The following CPLANE1 variants were observed in gnomAD, a reference collection of about 807,000 sequenced individuals.
The protein encoded by CPLANE1 is ciliogenesis and planar polarity effector 1.
In CPLANE1, 263 loss-of-function variants were observed where a neutral mutation model predicts 362.5. The observed-to-expected ratio is 0.73, with a 90% CI of 0.66 to 0.80. The LOEUF (loss-of-function observed/expected upper bound fraction) is 0.80. Among genes scored for constraint, CPLANE1 ranks in the 30% least tolerant of loss-of-function variants. The pLI is 0.00. For missense variants in CPLANE1, 3,461 were observed against 3,793.4 expected, an observed-to-expected ratio of 0.91 and a Z score of 2.30; for synonymous variants, 1,212 against 1,302.6, an observed-to-expected ratio of 0.93 and a Z score of 1.50.
intron 31 of CPLANE1, among the ~76,000 whole-genome samples, chr5:37,175,680 T>A (rs1405816527): frequency 6.6e-6 from 1 of 152,252 alleles, no homozygotes; most frequent in Non-Finnish European, 1.5e-5. Context: ...CTGTTCAACA[T>A]AGTTCCTGTG....
the CPLANE1 span, among the ~76,000 whole-genome samples, chr5:37,089,537 T>C: frequency 2.0e-5 from 3 of 152,272 alleles, no homozygotes; most frequent in Non-Finnish European, 2.9e-5. Context: ...TCGAATTATC[T>C]AACAGCCCTT....
chr5:37,218,473 C>A (rs371476448), intron 15 of CPLANE1, among the ~76,000 whole-genome samples: 4 of 152,168 alleles, frequency 2.6e-5, no homozygotes, highest in African/African-American at 4.8e-5. Context: ...TCATACCATG[C>A]ACCTTTTCCC....
At chr5:37,190,079 TC>T (rs1785093757) in intron 21 of CPLANE1, among the ~76,000 whole-genome samples, 1 of 152,116 alleles carries the variant, frequency 6.6e-6, no homozygotes, top group Non-Finnish European at 1.5e-5. Context: ...CATTCTAACT[TC>T]ATATGGGTGT....
chr5:37,122,526 A>G (rs767604260), intron 47 of CPLANE1, 38 bp from the exon 48 acceptor site: 4 of 1,483,422 alleles, frequency 2.7e-6, no homozygotes, highest in East Asian at 4.6e-5. Flanking sequence ...TTATTGTTCA[A>G]TCCAAATAAT....
At chr5:37,086,554 C>T in the CPLANE1 span, among the ~76,000 whole-genome samples, 1 of 152,202 alleles carries the variant, frequency 6.6e-6, no homozygotes, top group African/African-American at 2.4e-5. Flanking sequence ...AGTAGTTTAT[C>T]TAAATAGCTT....
In CPLANE1 at chr5:37,227,738, ATC is replaced by A. The variant is rs1432383285; in HGVS notation, c.1199_1200del (p.Arg400IlefsTer16). ...SASDSDPMRQ[R>X]FSIKAHSRLP... ...AACCGTGAGTGTGCTTTTATAGAAA[ATC>A]TCTGTCTCATAGGGTCACTATCAGA... On this transcript the variant is annotated frameshift_variant, in exon 10 of 53. Transcript: ENST00000651892. 4 of 1,551,354 alleles carry A rather than the reference ATC, an allele frequency of 2.6e-6. No individual in the cohort carries two copies. In the African/African-American group the frequency reaches 5.5e-5, roughly 21 times the overall value.
Position 37,198,740 on chromosome 5 carries a change from T to C in CPLANE1, c.3634A>G (p.Ile1212Val). The C allele has an allele frequency of 6.8e-6, 11 of 1,614,146 alleles. No individual in the cohort carries two copies. The highest frequency in any genetic ancestry group is 8.5e-6 in the Non-Finnish European group (10 of 1,180,028). Residue 1212 changes from isoleucine to valine, a missense_variant, in exon 20 of 53, where the codon ATA becomes GTA. Around this residue, in one of 2 missense-constraint regions of CPLANE1, gnomAD observed 3,380 missense variants for 3,666.1 expected, o/e 0.92. Transcript: ENST00000651892. ...TTTCTTGCCCACCTCAACTGCAATA[T>C]ATACCACTGTGCTACAGGAAAAGAA... is the stretch of plus-strand genomic sequence containing the variant. ...QCSFPVAQWY[I>V]LQLRWARKVM...
At chr5:37,201,545 C>G in intron 19 of CPLANE1, 46 bp downstream of exon 19, 1 of 1,476,772 alleles carries the variant, frequency 6.8e-7, no homozygotes, top group East Asian at 2.3e-5. Context: ...AAAAACTTGA[C>G]AAAATCAACT....
intron 8 of CPLANE1, among the ~76,000 whole-genome samples, chr5:37,232,688 A>C (rs1431477619): frequency 6.6e-6 from 1 of 150,384 alleles, no homozygotes; most frequent in Non-Finnish European, 1.5e-5. Context: ...AAAAAACAAA[A>C]AAACAGTCGT....
chr5:37,151,004 A>G (rs1356178713), intron 42 of CPLANE1, among the ~76,000 whole-genome samples: 1 of 152,154 alleles, frequency 6.6e-6, no homozygotes, highest in Non-Finnish European at 1.5e-5. Flanking sequence ...TACTGTCTGC[A>G]TATCTGATAA....
rs1190768466 is a variant in CPLANE1, at chr5:37,168,746, T to C, written c.7233+45A>G. On this transcript the variant is annotated intron_variant, in intron 34 of 52. Transcript: ENST00000651892. ...TACAGTACTTATGGTATGAAAAAAA[T>C]AGTGCAGGACACTGCTTTTGCATTA... 3 of 1,501,298 alleles carry C rather than the reference T, an allele frequency of 2.0e-6. No individual in the cohort carries two copies. The Admixed American group carries it at 5.8e-5, about 29-fold the overall frequency. The allele number at this position is 1,501,298 out of a possible 1,614,324, so 93.0% of individuals were successfully genotyped here. A position where few individuals can be genotyped will look rare whatever the true frequency, so the allele number is the denominator to read the frequency against.
the CPLANE1 span, chr5:37,085,684 T>C: frequency 1.8e-6 from 2 of 1,137,394 alleles, no homozygotes; most frequent in Admixed American, 3.4e-5. Context: ...TTGACGTGGT[T>C]CACATGAAAG....
intron 46 of CPLANE1, among the ~76,000 whole-genome samples, chr5:37,137,749 C>A (rs536198441): frequency 1.3e-5 from 2 of 152,232 alleles, no homozygotes; most frequent in African/African-American, 4.8e-5. Flanking sequence ...ACCATCAGTT[C>A]TTGTGACAAC....
intron 50 of CPLANE1, 120 bp from the exon 51 acceptor site, chr5:37,115,169 G>T (rs1760565548): frequency 1.4e-6 from 1 of 694,384 alleles, no homozygotes; most frequent in African/African-American, 1.8e-5. Flanking sequence ...ACCAAGCCCT[G>T]TTCACAGTAG....
chr5:37,243,189 T>C, intron 5 of CPLANE1, 70 bp from the exon 6 acceptor site: 1 of 837,458 alleles, frequency 1.2e-6, no homozygotes, highest in South Asian at 1.9e-5. Flanking sequence ...AAAATACATA[T>C]ATATATTCCT....
intron 41 of CPLANE1, among the ~76,000 whole-genome samples, chr5:37,155,509 G>T (rs1774829956): frequency 6.6e-6 from 1 of 152,068 alleles, no homozygotes; most frequent in Admixed American, 6.6e-5. Flanking sequence ...TGAGTAGCTG[G>T]GACTACAGGT....
In CPLANE1 at chr5:37,221,416, T is replaced by C; in HGVS notation, c.2654A>G (p.Asn885Ser). ...SLLYCHLYSY[N>S]LNDAQGLCDQ... ...ACACAATCCTTGAGCATCATTTAAA[T>C]TATAGCTATAGAGGTGGCAGTATAA... Residue 885 changes from asparagine to serine, a missense_variant, in exon 15 of 53, where the codon AAT (asparagine) becomes AGT (serine). Asn to Ser is a conservative substitution (Grantham distance 46). Around this residue, in one of 2 missense-constraint regions of CPLANE1, gnomAD observed 3,380 missense variants for 3,666.1 expected, o/e 0.92. Transcript: ENST00000651892. The C allele has an allele frequency of 1.3e-6, 2 of 1,540,350 alleles. No homozygotes were observed. The highest frequency in any genetic ancestry group is 1.8e-6 in the Non-Finnish European group (2 of 1,141,788).
At chr5:37,207,285 A>C (rs1446640900) in intron 16 of CPLANE1, among the ~76,000 whole-genome samples, 3 of 152,262 alleles carry the variant, frequency 2.0e-5, no homozygotes, top group African/African-American at 7.2e-5. Context: ...CACATGACCT[A>C]TACAGGCTAT....
At chr5:37,216,835 G>A (rs1794190870) in intron 15 of CPLANE1, among the ~76,000 whole-genome samples, 1 of 152,174 alleles carries the variant, frequency 6.6e-6, no homozygotes, top group South Asian at 2.1e-4. Flanking sequence ...TTTTCCAGAA[G>A]TGATCTGACA....
Sources: gnomAD v4.1 joint callset for allele counts (sites outside exome capture counted in the v4.1 genomes callset) on GRCh38, gnomAD v4.1.1 for gene constraint, gnomAD v4.1.1 regional missense constraint, MANE v1.5 for transcripts, NCBI Gene and HGNC (gene_info 2026-07-23, HGNC 2026-07-21) for gene names.